The following CHMP7 variants were observed in gnomAD, a reference collection of about 807,000 sequenced individuals.
The protein encoded by CHMP7 is charged multivesicular body protein 7.
In CHMP7, 15 loss-of-function variants were observed where a neutral mutation model predicts 53.7. That is an observed-to-expected ratio of 0.28 (90% CI 0.19 to 0.43). The LOEUF is 0.43. Ranked by LOEUF, CHMP7 falls within the 20% of genes least tolerant of loss-of-function variation. The pLI, the probability that CHMP7 is intolerant of heterozygous loss-of-function variation, is 1.00. For missense variants in CHMP7, 527 were observed against 569.4 expected (o/e 0.93, Z 0.76); for synonymous variants, 261 against 228.0 (o/e 1.14, Z -1.30).
intron 2 of CHMP7, among the ~76,000 whole-genome samples, chr8:23,247,613 C>G (rs1378182092): frequency 6.6e-6 from 1 of 152,190 alleles, no homozygotes; most frequent in African/African-American, 2.4e-5. Context: ...ACATTGATAA[C>G]TAATACATGT....
In CHMP7 at chr8:23,255,442, C is replaced by T. The variant is rs1802087350; in HGVS notation, c.657+10C>T. ...GCAGAACGGGGAGAAGGTATGGAGG[C>T]TCATCTGTTCATTCACTGACTCAGC... On this transcript the variant is annotated intron_variant, in intron 4 of 10. Coordinates refer to ENST00000397677, the MANE Select transcript of CHMP7 (RefSeq NM_152272.5). 1.9e-6 allele frequency: 3 copies of T among 1,612,652 alleles called. No homozygotes were observed. Among genetic ancestry groups the T allele is most frequent in the East Asian group, 4.5e-5 (2 of 44,870 alleles).
At position 23,256,294 on chromosome 8, in the gene CHMP7, G is replaced by C. The variant is rs567729966; in HGVS notation, c.658-166G>C. On this transcript the variant is annotated intron_variant, in intron 4 of 10. Transcript: ENST00000397677. ...TACATAGCTATATGTATAGGGTTCAGTATTCTCTGAGGGTTCAGACCTCCA... is the reference window on the plus strand; with the variant it reads ...TACATAGCTATATGTATAGGGTTCACTATTCTCTGAGGGTTCAGACCTCCA... Among the ~76,000 whole-genome samples the C allele has an allele frequency of 5.3e-5, 8 of 152,330 alleles. No individual in the cohort carries two copies. In the South Asian group the frequency reaches 1.7e-3, roughly 32 times the overall value.
At position 23,249,227 on chromosome 8, in the gene CHMP7, G is replaced by T; in HGVS notation, c.317G>T (p.Arg106Leu). 6.3e-7 allele frequency: 1 copy of T among 1,594,584 alleles called. No homozygotes were observed. Among genetic ancestry groups the T allele is most frequent in the East Asian group, 2.3e-5 (1 of 44,260 alleles). Reference sequence around the variant, plus strand: ...CCCTGCAGTCGAGGGGAGCTGCAGCGGGAGTCAGACTTCATGGCCAGTGTA... The same window carrying T: ...CCCTGCAGTCGAGGGGAGCTGCAGCTGGAGTCAGACTTCATGGCCAGTGTA... Reference protein sequence around the residue: ...QDLLRRGELQRESDFMASVDS... With the variant: ...QDLLRRGELQLESDFMASVDS... Residue 106 changes from arginine to leucine, a missense_variant, in exon 3 of 11, where the codon CGG becomes CTG. Transcript: ENST00000397677.
At chr8:23,256,316 TCCA>T in intron 4 of CHMP7, 141 bp from the exon 5 acceptor site, 1 of 665,576 alleles carries the variant, frequency 1.5e-6, no homozygotes, top group Non-Finnish European at 2.7e-6. Flanking sequence ...GGTTCAGACC[TCCA>T]CAGGGGATTC....
chr8:23,248,282 C>A (rs1465328477), intron 2 of CHMP7: 2 of 434,760 alleles, frequency 4.6e-6, no homozygotes, highest in African/African-American at 2.0e-5. Flanking sequence ...CACTTTAATA[C>A]CTCTATGGTG....
Position 23,246,520 on chromosome 8 carries a change from G to T in CHMP7, c.-176G>T, listed in dbSNP as rs964234820. On this transcript the variant is annotated 5_prime_UTR_variant, in exon 2 of 11. Transcript: ENST00000397677. ...TTCATCATACTGCCTCCTGGCTGAC[G>T]GAGCGCAGCGCAACGCATGCGCCTT... The T allele has an allele frequency of 1.1e-5, 7 of 613,726 alleles. No homozygotes were observed. The highest frequency in any genetic ancestry group is 2.0e-5 in the Non-Finnish European group (7 of 351,486). 38.0% of individuals were successfully genotyped at this position (613,726 alleles called of 1,614,324 possible). A position where few individuals can be genotyped will look rare whatever the true frequency, so the allele number is the denominator to read the frequency against.
intron 2 of CHMP7, among the ~76,000 whole-genome samples, chr8:23,247,216 G>C (rs985013391): frequency 3.3e-5 from 5 of 151,698 alleles, no homozygotes; most frequent in African/African-American, 1.2e-4. Flanking sequence ...AGATTGGGGG[G>C]CGGGGATAGT....
chr8:23,251,033 G>C (rs950972510), intron 3 of CHMP7, among the ~76,000 whole-genome samples: 3 of 152,180 alleles, frequency 2.0e-5, no homozygotes, highest in African/African-American at 7.2e-5. Flanking sequence ...GCTCAGTCAG[G>C]GTCCCCGCAA....
At chr8:23,249,071 G>C in intron 2 of CHMP7, 139 bp from the exon 3 acceptor site, 1 of 587,874 alleles carries the variant, frequency 1.7e-6, no homozygotes, top group African/African-American at 1.9e-5. Context: ...GCTGCGTGTC[G>C]TTGGCACAGC....
intron 1 of CHMP7, among the ~76,000 whole-genome samples, chr8:23,245,041 T>C (rs771608051): frequency 6.6e-6 from 1 of 152,266 alleles, no homozygotes; most frequent in East Asian, 1.9e-4. Context: ...AATTCTTTCA[T>C]AATTTTCTGC....
chr8:23,246,568 A>C lies in CHMP7; in HGVS notation c.-128A>C. On this transcript the variant is annotated 5_prime_UTR_variant, in exon 2 of 11. Coordinates refer to ENST00000397677, the MANE Select transcript of CHMP7 (RefSeq NM_152272.5). The stretch of plus-strand genomic sequence containing the variant: ...CTTGAAGACTTATGGAACTTATTTC[A>C]CGCTCAGGGCGGCGGTGACGTGTGA... 4.0e-6 allele frequency: 3 copies of C among 753,584 alleles called. No individual in the cohort carries two copies. Among genetic ancestry groups the C allele is most frequent in the Admixed American group, 2.9e-5 (1 of 34,586 alleles). The allele number at this position is 753,584 out of a possible 1,614,324, so 46.7% of individuals were successfully genotyped here.
chr8:23,253,310 G>T (rs1373169286), intron 3 of CHMP7, among the ~76,000 whole-genome samples: 1 of 152,206 alleles, frequency 6.6e-6, no homozygotes, highest in Admixed American at 6.5e-5. Context: ...TATAGACAGA[G>T]TCTCACTCTG....
intron 5 of CHMP7, among the ~76,000 whole-genome samples, chr8:23,257,625 C>A (rs1000710758): frequency 4.6e-5 from 7 of 152,236 alleles, no homozygotes; most frequent in African/African-American, 1.4e-4. Context: ...CTAATAAAGA[C>A]ACACCCTCTG....
chr8:23,253,005 A>T (rs1447277569), intron 3 of CHMP7, among the ~76,000 whole-genome samples: 1 of 152,138 alleles, frequency 6.6e-6, no homozygotes, highest in Non-Finnish European at 1.5e-5. Flanking sequence ...CACTTCTTGA[A>T]ATGTCCAATT....
At chr8:23,250,000 A>G (rs1438910011) in intron 3 of CHMP7, among the ~76,000 whole-genome samples, 1 of 150,936 alleles carries the variant, frequency 6.6e-6, no homozygotes, top group Non-Finnish European at 1.5e-5. Flanking sequence ...ACACCAGGAG[A>G]CTCCCAGCAG....
chr8:23,258,704 T>A (rs750329539), intron 7 of CHMP7, 28 bp from the exon 8 acceptor site: 3 of 1,513,476 alleles, frequency 2.0e-6, no homozygotes, highest in Admixed American at 1.7e-5. Context: ...GTCTGTCATT[T>A]GCACTGATAG....
At chr8:23,247,088 G>C in intron 2 of CHMP7, 94 bp downstream of exon 2, 2 of 1,258,520 alleles carry the variant, frequency 1.6e-6, no homozygotes, top group Non-Finnish European at 2.1e-6. Flanking sequence ...AGCGCACTGC[G>C]CCCAGCCCAG....
chr8:23,260,033 A>T (rs1461922123), intron 9 of CHMP7, 111 bp from the exon 10 acceptor site: 17 of 776,768 alleles, frequency 2.2e-5, no homozygotes, highest in Non-Finnish European at 3.3e-5. Context: ...ATCTGCAAGG[A>T]GGCCTGGCAT....
At position 23,246,447 on chromosome 8, in the gene CHMP7, G is replaced by A. The variant is rs555855778; in HGVS notation, c.-249G>A. The A allele has an allele frequency of 2.5e-4, 134 of 542,928 alleles. No homozygotes were observed. The East Asian group carries it at 4.2e-3, about 17-fold the overall frequency. The allele number at this position is 542,928 out of a possible 1,614,324, so 33.6% of individuals were successfully genotyped here. A position where few individuals can be genotyped will look rare whatever the true frequency, so the allele number is the denominator to read the frequency against. On this transcript the variant is annotated 5_prime_UTR_variant, in exon 2 of 11. The change creates a new upstream start codon in the 5' untranslated region. Coordinates refer to ENST00000397677, the MANE Select transcript of CHMP7 (RefSeq NM_152272.5). ...AAGCCTTTCTTTCGGCACAAAGACC[G>A]TGGGAGGAGGGGTCGGCGCAAGCGC...
Sources: gnomAD v4.1 joint callset for allele counts (sites outside exome capture counted in the v4.1 genomes callset) on GRCh38, gnomAD v4.1.1 for gene constraint, MANE v1.5 for transcripts, NCBI Gene and HGNC (gene_info 2026-07-23, HGNC 2026-07-21) for gene names.